The following BOC variants were observed in gnomAD, a reference collection of about 807,000 sequenced individuals.
BOC encodes BOC cell adhesion associated, oncogene regulated.
A neutral mutation model predicts 112.0 loss-of-function variants in BOC; 76 were observed. That is an observed-to-expected ratio of 0.68 (90% CI 0.56 to 0.82). The LOEUF is 0.82. Among genes scored for constraint, BOC ranks in the 40% least tolerant of loss-of-function variants. The probability of loss-of-function intolerance (pLI) is 0.00; values close to 1 mark genes in which losing one functional copy is unlikely to be tolerated. For missense variants in BOC, 1,309 were observed against 1,511.7 expected, an observed-to-expected ratio of 0.87 and a Z score of 2.22; for synonymous variants, 580 against 599.8, an observed-to-expected ratio of 0.97 and a Z score of 0.48.
At chr3:113,228,742 G>C (rs986576695) in intron 2 of BOC, among the ~76,000 whole-genome samples, 1 of 152,144 alleles carries the variant, frequency 6.6e-6, no homozygotes, top group African/African-American at 2.4e-5. Flanking sequence ...GGGGTATGTA[G>C]TTAAAGGGTA....
intron 6 of BOC, chr3:113,271,483 C>A: frequency 6.5e-6 from 2 of 306,660 alleles, no homozygotes. Flanking sequence ...TGGATCCCTG[C>A]CAATTCAAAG....
intron 4 of BOC, among the ~76,000 whole-genome samples, chr3:113,265,935 C>T (rs533916557): frequency 9.2e-5 from 14 of 152,316 alleles, no homozygotes; most frequent in Middle Eastern, 3.4e-3. Context: ...GCTGTATCCT[C>T]AGTACTATGC....
chr3:113,286,022 C>G (rs909037307), intron 19 of BOC, among the ~76,000 whole-genome samples: 2 of 152,186 alleles, frequency 1.3e-5, no homozygotes, highest in African/African-American at 4.8e-5. Flanking sequence ...ACATCATCAT[C>G]ATAACTCTTT....
intron 8 of BOC, among the ~76,000 whole-genome samples, chr3:113,273,546 T>C (rs1017659989): frequency 4.6e-5 from 7 of 152,170 alleles, no homozygotes; most frequent in Admixed American, 4.6e-4. Context: ...TTTAAAAAAA[T>C]ATTTCTGTGG....
At position 113,278,496 on chromosome 3, in the gene BOC, T is replaced by C. The variant is rs1413537649; in HGVS notation, c.1706-177T>C. 2.6e-5 allele frequency among the ~76,000 whole-genome samples: 4 copies of C among 151,830 alleles called. No individual in the cohort carries two copies. The highest frequency in any genetic ancestry group is 7.3e-5 in the African/African-American group (3 of 41,320). ...CCCTCTCTCACACAGGGGCCAGCAA[T>C]AGTACCACAACAGAACCAGTCTCGG... On this transcript the variant is annotated intron_variant, in intron 10 of 19. Coordinates refer to ENST00000682979, the MANE Select transcript of BOC (RefSeq NM_001378074.1). The surrounding 1 kb of genome is among the most constrained non-coding windows in gnomAD (Gnocchi z 4.2).
Position 113,285,469 on chromosome 3 carries a change from C to T in BOC, c.3064C>T (p.Arg1022Cys), listed in dbSNP as rs772484289. The T allele has an allele frequency of 2.5e-5, 40 of 1,613,982 alleles. No homozygotes were observed. The highest frequency in any genetic ancestry group is 1.3e-4 in the East Asian group (6 of 44,896). ...LLQPHHDCCQ[R>C]QEQPAAVGQS... Reference sequence around the variant, plus strand: ...GCAGCCCCATCACGACTGCTGCCAACGCCAGGAGCAGCCTGCTGCTGTGGG... The same window carrying T: ...GCAGCCCCATCACGACTGCTGCCAATGCCAGGAGCAGCCTGCTGCTGTGGG... Residue 1022 changes from arginine (R) to cysteine (C), a missense_variant, in exon 19 of 20, where the codon CGC (arginine) becomes TGC (cysteine). Arg to Cys is a radical substitution (Grantham distance 180, BLOSUM62 -3). Transcript: ENST00000682979.
chr3:113,267,557 C>T lies in BOC; in HGVS notation c.377-742C>T, dbSNP rs115126776. 2.0e-5 allele frequency among the ~76,000 whole-genome samples: 3 copies of T among 152,268 alleles called. No homozygotes were observed. In the South Asian group the frequency reaches 6.2e-4, roughly 32 times the overall value. ...CAGATTCCTCTTTGTCTTAGAAAAC[C>T]CTTAGGGTATCCAGAGTCCTGCCCC... On this transcript the variant is annotated intron_variant, in intron 4 of 19. Coordinates refer to ENST00000682979, the MANE Select transcript of BOC (RefSeq NM_001378074.1).
chr3:113,222,814 G>A, intron 2 of BOC, among the ~76,000 whole-genome samples: 1 of 152,204 alleles, frequency 6.6e-6, no homozygotes, highest in East Asian at 1.9e-4. Context: ...TCCTCCCTTA[G>A]CAACCTGAGT....
rs1181793857 is a variant in BOC, at chr3:113,236,292, A to ATATATACCCATGGG, written c.-81-13424_-81-13423insCCCATGGGTATATA. Among the ~76,000 whole-genome samples, 24 of 48,380 alleles carry ATATATACCCATGGG rather than the reference A, an allele frequency of 5.0e-4. 1 individual carries two copies. Among genetic ancestry groups the ATATATACCCATGGG allele is most frequent in the African/African-American group, 1.9e-3 (17 of 8,786 alleles). 31.7% of individuals were successfully genotyped at this position (48,380 alleles called of 152,430 possible). On this transcript the variant is annotated intron_variant, in intron 2 of 19. Transcript: ENST00000682979. ...TATATATACCCATGGGTATATATAT[A>ATATATACCCATGGG]TATATATATATATATATATACCCAT...
rs1948922099 is a variant in BOC, at chr3:113,278,895, A to G, written c.1816+112A>G. The G allele has an allele frequency of 1.0e-5, 9 of 868,544 alleles. No individual in the cohort carries two copies. The highest frequency in any genetic ancestry group is 1.6e-5 in the Non-Finnish European group (9 of 559,850). The allele number at this position is 868,544 out of a possible 1,614,324, so 53.8% of individuals were successfully genotyped here. A position where few individuals can be genotyped will look rare whatever the true frequency, so the allele number is the denominator to read the frequency against. The stretch of plus-strand genomic sequence containing the variant: ...TCTGTAGGTCCAGGGTTTTTATGAC[A>G]TCTCCCAGTTAACCACAATGAGGAA... On this transcript the variant is annotated intron_variant, in intron 11 of 19. Coordinates refer to ENST00000682979, the MANE Select transcript of BOC (RefSeq NM_001378074.1). This position sits in a 1 kb window ranked among gnomAD's most constrained non-coding sequence, Gnocchi z 4.2.
chr3:113,262,433 T>C (rs1262582911), intron 4 of BOC, among the ~76,000 whole-genome samples: 1 of 152,246 alleles, frequency 6.6e-6, no homozygotes, highest in Non-Finnish European at 1.5e-5. Flanking sequence ...CTGCAGCACC[T>C]GGCTTGCTAA....
chr3:113,286,579 C>G, intron 19 of BOC, 96 bp from the exon 20 acceptor site: 1 of 1,133,966 alleles, frequency 8.8e-7, no homozygotes, highest in South Asian at 2.1e-5. Flanking sequence ...GCCAGTGTAA[C>G]CACCTCCACC....
intron 19 of BOC, 44 bp from the exon 20 acceptor site, chr3:113,286,631 C>G: frequency 6.8e-7 from 1 of 1,463,298 alleles, no homozygotes; most frequent in Non-Finnish European, 9.1e-7. Context: ...GTTGGCTCCT[C>G]GGTCAATCTG....
In BOC at chr3:113,284,555, C is replaced by A. The variant is rs765080286; in HGVS notation, c.2877C>A (p.Gly959=). 5 of 1,612,430 alleles carry A rather than the reference C, an allele frequency of 3.1e-6. No individual in the cohort carries two copies. Among genetic ancestry groups the A allele is most frequent in the Non-Finnish European group, 3.4e-6 (4 of 1,179,226 alleles). Residue 959 remains glycine (G), a synonymous_variant, in exon 17 of 20, where the codon GGC becomes GGA. Transcript: ENST00000682979. ...PGMKPQQHCP[G]ELQQQSDTSS... ...TGAAGCCCCAGCAGCACTGCCCAGG[C>A]GAGCTTCAGCAGGTAGCGCATTCTT...
chr3:113,264,382 C>T (rs1947229327), intron 4 of BOC, among the ~76,000 whole-genome samples: 1 of 152,234 alleles, frequency 6.6e-6, no homozygotes, highest in Non-Finnish European at 1.5e-5. Context: ...CAGGCAAGGG[C>T]AGGTGTCCTG....
chr3:113,225,679 C>T (rs1172460021), intron 2 of BOC, among the ~76,000 whole-genome samples: 1 of 152,212 alleles, frequency 6.6e-6, no homozygotes, highest in African/African-American at 2.4e-5. Flanking sequence ...TGTTTAAAGC[C>T]CTTTCAGCTC....
chr3:113,249,855 T>TGA lies in BOC; in HGVS notation c.54_55insAG (p.Ala19ArgfsTer6). Reference sequence around the variant, plus strand: ...AGAGGAATGAGGCCTGAGGTCACACTGGCTTGCCTCCTCCTAGCCACAGCA... The same window carrying TGA: ...AGAGGAATGAGGCCTGAGGTCACACTGAGGCTTGCCTCCTCCTAGCCACAGCA... On this transcript the variant is annotated frameshift_variant, in exon 3 of 20. Transcript: ENST00000682979. LOFTEE classifies it high-confidence loss of function. 6.2e-7 allele frequency: 1 copy of TGA among 1,613,724 alleles called. No individual in the cohort carries two copies. The highest frequency in any genetic ancestry group is 8.5e-7 in the Non-Finnish European group (1 of 1,179,916).
chr3:113,280,488 C>T (rs1256944505), intron 13 of BOC, 70 bp from the exon 14 acceptor site: 3 of 1,099,746 alleles, frequency 2.7e-6, no homozygotes, highest in African/African-American at 3.1e-5. Flanking sequence ...AACCTTCATA[C>T]ACCAGTGGTT....
chr3:113,280,830 A>G (rs1159493700), intron 14 of BOC, among the ~76,000 whole-genome samples, 167 bp downstream of exon 14: 2 of 152,158 alleles, frequency 1.3e-5, no homozygotes, highest in African/African-American at 4.8e-5. Flanking sequence ...TGAAGCTGTC[A>G]ACTTCATGAA....
Sources: gnomAD v4.1 joint callset for allele counts (sites outside exome capture counted in the v4.1 genomes callset) on GRCh38, gnomAD v4.1.1 for gene constraint, Gnocchi (gnomAD v3.1) non-coding constraint, MANE v1.5 for transcripts, NCBI Gene and HGNC (gene_info 2026-07-23, HGNC 2026-07-21) for gene names.